The following CAMTA1 variants were observed in gnomAD, a reference collection of about 807,000 sequenced individuals.
CAMTA1 encodes the protein calmodulin-binding transcription activator 1.
Under a neutral mutation model 170.9 loss-of-function variants are expected in CAMTA1, and 27 were observed. That is an observed-to-expected ratio of 0.16 (90% CI 0.12 to 0.22). The LOEUF (loss-of-function observed/expected upper bound fraction) is 0.22. CAMTA1 is among the 10% of genes least tolerant of loss of function. CAMTA1 has a pLI of 1.00. For synonymous variants in CAMTA1, 833 were observed against 891.5 expected, an observed-to-expected ratio of 0.93 and a Z score of 1.17; for missense variants, 1,619 against 2,217.2, an observed-to-expected ratio of 0.73 and a Z score of 5.42.
intron 3 of CAMTA1, among the ~76,000 whole-genome samples, chr1:6,986,923 T>C (rs1436635297): frequency 2.0e-5 from 3 of 152,114 alleles, no homozygotes; most frequent in Admixed American, 6.5e-5. Flanking sequence ...ACAAGTTTGC[T>C]CTTGGGCATA....
At chr1:7,450,115 T>G (rs2092788054) in intron 5 of CAMTA1, among the ~76,000 whole-genome samples, 1 of 152,124 alleles carries the variant, frequency 6.6e-6, no homozygotes, top group Non-Finnish European at 1.5e-5. Flanking sequence ...GGCACCAACT[T>G]GGAGGCCACC....
At chr1:7,523,700 A>T (rs1401783902) in intron 6 of CAMTA1, among the ~76,000 whole-genome samples, 1 of 144,266 alleles carries the variant, frequency 6.9e-6, no homozygotes, top group East Asian at 2.1e-4. Flanking sequence ...AACACGGTGA[A>T]ACCCCGTCTC....
intron 6 of CAMTA1, among the ~76,000 whole-genome samples, chr1:7,506,541 A>T (rs893580738): frequency 1.3e-5 from 2 of 152,060 alleles, no homozygotes; most frequent in Non-Finnish European, 2.9e-5. Context: ...TCACCCTTAT[A>T]ATGTACACAT....
intron 6 of CAMTA1, among the ~76,000 whole-genome samples, chr1:7,539,563 C>T (rs900243277): frequency 8.5e-5 from 13 of 152,216 alleles, no homozygotes; most frequent in African/African-American, 3.1e-4. Context: ...GTGGGAATGG[C>T]GCCTCCTAGA....
At chr1:7,247,485 T>A (rs1419897664) in intron 4 of CAMTA1, among the ~76,000 whole-genome samples, 1 of 152,198 alleles carries the variant, frequency 6.6e-6, no homozygotes, top group Non-Finnish European at 1.5e-5. Context: ...AGAGGCTAGA[T>A]TGGATCAACG....
At chr1:6,947,470 G>A (rs948438716) in intron 3 of CAMTA1, among the ~76,000 whole-genome samples, 4 of 151,376 alleles carry the variant, frequency 2.6e-5, no homozygotes, top group Admixed American at 2.0e-4. Context: ...CCACCTTCTC[G>A]GTTCAAGTGA....
At chr1:7,112,916 T>C (rs941313017) in intron 4 of CAMTA1, among the ~76,000 whole-genome samples, 2 of 152,186 alleles carry the variant, frequency 1.3e-5, no homozygotes, top group Non-Finnish European at 2.9e-5. Context: ...TCAGGCTTCT[T>C]GCTTTTTGGG....
rs570736104 is a variant in CAMTA1, at chr1:7,635,959, G to A, written c.511-4441G>A. 1.3e-5 allele frequency among the ~76,000 whole-genome samples: 2 copies of A among 152,130 alleles called. No individual in the cohort carries two copies. Among genetic ancestry groups the A allele is most frequent in the Non-Finnish European group, 2.9e-5 (2 of 68,028 alleles). ...AAAACCAGCCCCACGCCAGGAAATC[G>A]TTACTACTCAACTCTGGGCATTCCA... is the stretch of plus-strand genomic sequence containing the variant. On this transcript the variant is annotated intron_variant, in intron 6 of 22. Transcript: ENST00000303635. The surrounding 1 kb of genome is among the most constrained non-coding windows in gnomAD (Gnocchi z 4.4).
intron 6 of CAMTA1, among the ~76,000 whole-genome samples, chr1:7,556,275 C>T (rs1167155414): frequency 1.3e-5 from 2 of 152,088 alleles, no homozygotes; most frequent in Non-Finnish European, 2.9e-5. Flanking sequence ...GGGGTATGGG[C>T]TCTGGGTGGG....
intron 3 of CAMTA1, among the ~76,000 whole-genome samples, chr1:7,048,132 G>A (rs548486808): frequency 2.6e-5 from 4 of 152,246 alleles, no homozygotes; most frequent in African/African-American, 4.8e-5. Flanking sequence ...AGCGGGGAGG[G>A]TGGAGGCTTC....
At chr1:7,467,716 T>C in intron 5 of CAMTA1, 114 bp from the exon 6 acceptor site, 2 of 957,702 alleles carry the variant, frequency 2.1e-6, no homozygotes, top group Admixed American at 1.7e-5. Context: ...TCGGTCTCCC[T>C]GGGCCGCTGC....
Position 7,523,379 on chromosome 1 carries a change from C to T in CAMTA1, c.510+55478C>T, listed in dbSNP as rs565535225. Among the ~76,000 whole-genome samples the T allele has an allele frequency of 1.1e-4, 16 of 152,188 alleles. 1 individual carries two copies. In the South Asian group the frequency reaches 2.7e-3, roughly 26 times the overall value. ...ATAGGATACATTGTCCATGACTATCCGAAATATTGCTGCAGTTTTGATAGG... is the reference window on the plus strand; with the variant it reads ...ATAGGATACATTGTCCATGACTATCTGAAATATTGCTGCAGTTTTGATAGG... On this transcript the variant is annotated intron_variant, in intron 6 of 22. Coordinates refer to ENST00000303635, the MANE Select transcript of CAMTA1 (RefSeq NM_015215.4).
At chr1:7,520,482 C>T (rs2094350696) in intron 6 of CAMTA1, among the ~76,000 whole-genome samples, 1 of 151,148 alleles carries the variant, frequency 6.6e-6, no homozygotes, top group Non-Finnish European at 1.5e-5. Flanking sequence ...CTCAGGCGCC[C>T]ATCCATCATG....
Position 7,443,077 on chromosome 1 carries a change from C to T in CAMTA1, c.439-24753C>T, listed in dbSNP as rs1330543824. Among the ~76,000 whole-genome samples, 1 of 151,726 alleles carries T rather than the reference C, an allele frequency of 6.6e-6. No homozygotes were observed. Among genetic ancestry groups the T allele is most frequent in the African/African-American group, 2.4e-5 (1 of 41,424 alleles). On this transcript the variant is annotated intron_variant, in intron 5 of 22. Transcript: ENST00000303635. This position sits in a 1 kb window ranked among gnomAD's most constrained non-coding sequence, Gnocchi z 4.1. ...CAGATCCTCCTCCTGACTTCTTGGC[C>T]TCATTCACTCCAACAGAACTGTCCC...
At chr1:7,199,212 C>T (rs962044895) in intron 4 of CAMTA1, among the ~76,000 whole-genome samples, 8 of 152,204 alleles carry the variant, frequency 5.3e-5, no homozygotes, top group Non-Finnish European at 1.0e-4. Flanking sequence ...GATTGGAGCC[C>T]GCCCCCACGC....
At chr1:7,476,578 C>T (rs572909699) in intron 6 of CAMTA1, among the ~76,000 whole-genome samples, 2 of 152,284 alleles carry the variant, frequency 1.3e-5, no homozygotes, top group South Asian at 2.1e-4. Context: ...ACACCTCACC[C>T]GGCACAGGGC....
intron 4 of CAMTA1, among the ~76,000 whole-genome samples, chr1:7,102,783 G>A (rs1473461494): frequency 1.3e-5 from 2 of 152,110 alleles, no homozygotes; most frequent in African/African-American, 2.4e-5. Flanking sequence ...TGATGCTGGG[G>A]GTTGACCGTG....
intron 1 of CAMTA1, among the ~76,000 whole-genome samples, chr1:6,811,422 A>G (rs946215743): frequency 6.6e-6 from 1 of 151,930 alleles, no homozygotes; most frequent in Admixed American, 6.6e-5. Context: ...TGGAGTAGAG[A>G]GTTTACTTTT....
intron 6 of CAMTA1, among the ~76,000 whole-genome samples, chr1:7,597,921 A>G (rs533063835): frequency 6.0e-5 from 9 of 150,318 alleles, no homozygotes; most frequent in African/African-American, 1.7e-4. Context: ...TGCTGCGACT[A>G]TCAACCCGTC....
Sources: gnomAD v4.1 joint callset for allele counts (sites outside exome capture counted in the v4.1 genomes callset) on GRCh38, gnomAD v4.1.1 for gene constraint, Gnocchi (gnomAD v3.1) non-coding constraint, MANE v1.5 for transcripts, NCBI Gene and HGNC (gene_info 2026-07-23, HGNC 2026-07-21) for gene names.